Variants in PTPRR observed in about 807,000 individuals in gnomAD.
PTPRR encodes the protein receptor-type tyrosine-protein phosphatase R.
A neutral mutation model predicts 77.2 loss-of-function variants in PTPRR; 38 were observed. The observed-to-expected ratio is 0.49, with a 90% CI of 0.38 to 0.65. The LOEUF is 0.65. PTPRR is among the 30% of genes least tolerant of loss of function. PTPRR has a pLI of 0.00. For missense variants in PTPRR, 744 were observed against 799.2 expected (o/e 0.93, Z 0.83); for synonymous variants, 299 against 283.1 (o/e 1.06, Z -0.57).
intron 2 of PTPRR, among the ~76,000 whole-genome samples, chr12:70,879,675 T>C (rs1893115750): frequency 6.6e-6 from 1 of 152,176 alleles, no homozygotes; most frequent in African/African-American, 2.4e-5. Context: ...TCATGCTCAA[T>C]GGATAAACAA....
chr12:70,683,342 T>C (rs1887744653), intron 10 of PTPRR, among the ~76,000 whole-genome samples: 1 of 152,150 alleles, frequency 6.6e-6, no homozygotes, highest in Admixed American at 6.5e-5. Flanking sequence ...CTCAGGAATA[T>C]TACAATTGTA....
intron 10 of PTPRR, among the ~76,000 whole-genome samples, chr12:70,683,599 T>C (rs1192024288): frequency 6.6e-6 from 1 of 152,220 alleles, no homozygotes; most frequent in Non-Finnish European, 1.5e-5. Context: ...CTGCCTGGTA[T>C]ACCCATTCCA....
At chr12:70,766,123 G>C (rs958347241) in intron 2 of PTPRR, among the ~76,000 whole-genome samples, 5 of 152,112 alleles carry the variant, frequency 3.3e-5, no homozygotes, top group Non-Finnish European at 5.9e-5. Flanking sequence ...TCCTCCAAAG[G>C]AACACAGCTC....
At chr12:70,821,624 G>T (rs961392036) in intron 2 of PTPRR, among the ~76,000 whole-genome samples, 5 of 151,862 alleles carry the variant, frequency 3.3e-5, no homozygotes, top group Non-Finnish European at 5.9e-5. Flanking sequence ...CTCTGTGAGG[G>T]AGAGCGTGGG....
At chr12:70,662,060 C>T (rs1886817528) in intron 11 of PTPRR, among the ~76,000 whole-genome samples, 1 of 152,162 alleles carries the variant, frequency 6.6e-6, no homozygotes, top group South Asian at 2.1e-4. Flanking sequence ...AAGATCTCAT[C>T]AACACTTCAG....
intron 2 of PTPRR, among the ~76,000 whole-genome samples, chr12:70,782,114 A>T (rs1297143398): frequency 6.6e-6 from 1 of 152,162 alleles, no homozygotes; most frequent in Non-Finnish European, 1.5e-5. Context: ...TCTTGTAGAC[A>T]AGGACAATAT....
At chr12:70,864,687 T>C (rs1019691570) in intron 2 of PTPRR, among the ~76,000 whole-genome samples, 2 of 152,200 alleles carry the variant, frequency 1.3e-5, no homozygotes, top group Non-Finnish European at 2.9e-5. Flanking sequence ...CATCTTGAAT[T>C]GTAGCTCCCA....
chr12:70,873,192 T>A (rs1167751415), intron 2 of PTPRR, among the ~76,000 whole-genome samples: 1 of 152,072 alleles, frequency 6.6e-6, no homozygotes, highest in African/African-American at 2.4e-5. Flanking sequence ...GTTTATAAAT[T>A]TGGAGATCAA....
chr12:70,786,562 A>G (rs1891325786), intron 2 of PTPRR, among the ~76,000 whole-genome samples: 1 of 152,212 alleles, frequency 6.6e-6, no homozygotes, highest in African/African-American at 2.4e-5. Flanking sequence ...GATCACATGC[A>G]AAAGCTTAAG....
chr12:70,805,868 A>G (rs958719445), intron 2 of PTPRR, among the ~76,000 whole-genome samples: 2 of 152,230 alleles, frequency 1.3e-5, no homozygotes, highest in Admixed American at 1.3e-4. Context: ...CTTAATCACT[A>G]GGCTATATAC....
intron 7 of PTPRR, among the ~76,000 whole-genome samples, chr12:70,700,919 C>T (rs557799546): frequency 1.3e-5 from 2 of 152,138 alleles, no homozygotes; most frequent in South Asian, 4.1e-4. Context: ...CACTTATTTG[C>T]CTCACCAATT....
At chr12:70,784,206 G>A (rs953613335) in intron 2 of PTPRR, among the ~76,000 whole-genome samples, 34 of 152,272 alleles carry the variant, frequency 2.2e-4, no homozygotes, top group African/African-American at 7.5e-4. Flanking sequence ...TCCTGTCTCC[G>A]GAGAGCACAG....
chr12:70,825,325 C>T (rs1237249141), intron 2 of PTPRR, among the ~76,000 whole-genome samples: 1 of 152,024 alleles, frequency 6.6e-6, no homozygotes, highest in African/African-American at 2.4e-5. Context: ...TGTTAAGTTA[C>T]TTGTCAAAAT....
chr12:70,850,385 T>G (rs942730269), intron 2 of PTPRR, among the ~76,000 whole-genome samples: 3 of 151,988 alleles, frequency 2.0e-5, no homozygotes, highest in African/African-American at 7.3e-5. Context: ...AAGGTAATTT[T>G]GTATCTATTT....
chr12:70,860,018 T>TC (rs940482501), intron 2 of PTPRR, among the ~76,000 whole-genome samples: 4 of 152,060 alleles, frequency 2.6e-5, no homozygotes, highest in African/African-American at 9.7e-5. Context: ...ATTGCTTTTT[T>TC]CCCCCTCCTC....
At position 70,817,988 on chromosome 12, in the gene PTPRR, C is replaced by T. The variant is rs546650766; in HGVS notation, c.358-53210G>A. On this transcript the variant is annotated intron_variant, in intron 2 of 13. Transcript: ENST00000283228. ...CAGCAGTTTGGGAGGCCGAGGAGGTCGGATCATGAGGTCAGGAGCTCGAAA... is the reference window on the plus strand; with the variant it reads ...CAGCAGTTTGGGAGGCCGAGGAGGTTGGATCATGAGGTCAGGAGCTCGAAA... Among the ~76,000 whole-genome samples, 77 of 152,176 alleles carry T rather than the reference C, an allele frequency of 5.1e-4. 1 individual carries two copies. The highest frequency in any genetic ancestry group is 2.4e-3 in the Admixed American group (36 of 15,280).
intron 1 of PTPRR, among the ~76,000 whole-genome samples, chr12:70,896,872 CT>C (rs2137121617): frequency 6.6e-6 from 1 of 151,868 alleles, no homozygotes; most frequent in East Asian, 1.9e-4. Context: ...ATAGGGAATC[CT>C]TTCCCCATTG....
At chr12:70,642,949 T>C (rs12582142) in intron 13 of PTPRR, among the ~76,000 whole-genome samples, 7,091 of 152,132 alleles carry the variant, frequency 0.047, 431 homozygotes, top group East Asian at 0.31. Flanking sequence ...AGTGGGAGGA[T>C]CACTTGAGCC....
At chr12:70,892,622 A>T in intron 2 of PTPRR, 57 bp downstream of exon 2, 2 of 1,579,812 alleles carry the variant, frequency 1.3e-6, no homozygotes, top group Non-Finnish European at 1.7e-6. Flanking sequence ...TTTTTCAAGC[A>T]TCAATGACAG....
Sources: gnomAD v4.1 joint callset for allele counts (sites outside exome capture counted in the v4.1 genomes callset) on GRCh38, gnomAD v4.1.1 for gene constraint, MANE v1.5 for transcripts, NCBI Gene and HGNC (gene_info 2026-07-23, HGNC 2026-07-21) for gene names.